The following ZFPM2 variants were observed in gnomAD, a reference collection of about 807,000 sequenced individuals.
ZFPM2 encodes zinc finger protein ZFPM2.
In ZFPM2, 20 loss-of-function variants were observed where a neutral mutation model predicts 98.6. The observed-to-expected ratio is 0.20, with a 90% CI of 0.14 to 0.29. The LOEUF is 0.29. Ranked by LOEUF, ZFPM2 falls within the 10% of genes least tolerant of loss-of-function variation. The pLI, the probability that ZFPM2 is intolerant of heterozygous loss-of-function variation, is 1.00. For synonymous variants in ZFPM2, 518 were observed against 502.7 expected, an observed-to-expected ratio of 1.03 and a Z score of -0.41; for missense variants, 1,310 against 1,388.6, an observed-to-expected ratio of 0.94 and a Z score of 0.90.
chr8:105,410,161 A>C (rs1341219484), intron 1 of ZFPM2, among the ~76,000 whole-genome samples: 1 of 151,904 alleles, frequency 6.6e-6, no homozygotes, highest in Non-Finnish European at 1.5e-5. Flanking sequence ...AAAAGTTTAC[A>C]TATGCAATGA....
At chr8:105,761,349 T>A (rs1465469014) in intron 5 of ZFPM2, among the ~76,000 whole-genome samples, 1 of 151,994 alleles carries the variant, frequency 6.6e-6, no homozygotes, top group Non-Finnish European at 1.5e-5. Context: ...TGAATACAGG[T>A]TGAGTAACTA....
At chr8:105,336,863 C>T (rs534934946) in intron 1 of ZFPM2, among the ~76,000 whole-genome samples, 6 of 151,624 alleles carry the variant, frequency 4.0e-5, no homozygotes, top group African/African-American at 1.2e-4. Context: ...CAGATCACTT[C>T]GTCTCATTTT....
At chr8:105,369,855 A>G (rs1304682468) in intron 1 of ZFPM2, among the ~76,000 whole-genome samples, 1 of 152,114 alleles carries the variant, frequency 6.6e-6, no homozygotes, top group Non-Finnish European at 1.5e-5. Flanking sequence ...AGAGCTTATA[A>G]TGTTAGAAAA....
chr8:105,338,719 G>A (rs1034415284), intron 1 of ZFPM2, among the ~76,000 whole-genome samples: 1 of 151,798 alleles, frequency 6.6e-6, no homozygotes, highest in Non-Finnish European at 1.5e-5. Flanking sequence ...TCAATTCCTT[G>A]AAGTTTTATC....
At chr8:105,481,407 G>C (rs1813114972) in intron 3 of ZFPM2, among the ~76,000 whole-genome samples, 1 of 152,074 alleles carries the variant, frequency 6.6e-6, no homozygotes, top group South Asian at 2.1e-4. Flanking sequence ...CTTGCAGATG[G>C]CCACCTTCTA....
intron 5 of ZFPM2, among the ~76,000 whole-genome samples, chr8:105,694,742 A>G (rs191075684): frequency 2.4e-4 from 37 of 152,274 alleles, no homozygotes; most frequent in East Asian, 1.7e-3. Flanking sequence ...ATACGATTCA[A>G]TTTTCATTGA....
intron 5 of ZFPM2, among the ~76,000 whole-genome samples, chr8:105,673,133 G>T (rs1454028995): frequency 7.0e-6 from 1 of 142,694 alleles, no homozygotes; most frequent in African/African-American, 2.6e-5. Flanking sequence ...TGCCAGGGAA[G>T]AACTTAAATA....
chr8:105,690,839 A>G (rs1018495995), intron 5 of ZFPM2: 1 of 152,210 alleles, frequency 6.6e-6, no homozygotes, highest in Admixed American at 6.5e-5. Flanking sequence ...TACCAAAAGC[A>G]CTATTACCTA....
intron 1 of ZFPM2, among the ~76,000 whole-genome samples, chr8:105,380,633 ATT>A (rs1491536540): frequency 4.7e-4 from 10 of 21,152 alleles, no homozygotes; most frequent in African/African-American, 1.3e-3. Context: ...TAACATATAT[ATT>A]ATATATATAT....
intron 5 of ZFPM2, among the ~76,000 whole-genome samples, chr8:105,712,544 T>G (rs1174456382): frequency 4.0e-5 from 6 of 151,790 alleles, no homozygotes; most frequent in Non-Finnish European, 8.8e-5. Context: ...CTACAAGCCA[T>G]TTTTTTTGTG....
At chr8:105,453,177 T>C (rs1041869503) in intron 3 of ZFPM2, among the ~76,000 whole-genome samples, 7 of 152,202 alleles carry the variant, frequency 4.6e-5, no homozygotes, top group African/African-American at 1.7e-4. Flanking sequence ...CAACTACATA[T>C]TTAGTATTAA....
intron 5 of ZFPM2, among the ~76,000 whole-genome samples, chr8:105,692,198 G>C (rs892336065): frequency 1.3e-5 from 2 of 152,114 alleles, no homozygotes; most frequent in Admixed American, 1.3e-4. Flanking sequence ...TGTTTAATTT[G>C]TATACTGCTA....
chr8:105,640,763 G>A (rs1258595946), intron 5 of ZFPM2, among the ~76,000 whole-genome samples: 3 of 151,978 alleles, frequency 2.0e-5, no homozygotes, highest in African/African-American at 4.8e-5. Context: ...TTTGTCTAAT[G>A]TGGCAGCCAA....
chr8:105,684,409 G>T (rs543776233), intron 5 of ZFPM2, among the ~76,000 whole-genome samples: 3 of 151,940 alleles, frequency 2.0e-5, no homozygotes, highest in Non-Finnish European at 4.4e-5. Context: ...GCTTCTATTG[G>T]GTGGGATATT....
At chr8:105,730,694 A>G (rs1811910711) in intron 5 of ZFPM2, among the ~76,000 whole-genome samples, 1 of 151,412 alleles carries the variant, frequency 6.6e-6, no homozygotes, top group East Asian at 2.0e-4. Flanking sequence ...CACACAGTAT[A>G]TTAAAGGCCT....
intron 5 of ZFPM2, among the ~76,000 whole-genome samples, chr8:105,677,926 G>A (rs868228778): frequency 3.9e-5 from 6 of 152,226 alleles, no homozygotes; most frequent in Admixed American, 1.3e-4. Context: ...AATATCCTAT[G>A]CAAATAGCCA....
At chr8:105,764,622 T>A (rs1362438370) in intron 5 of ZFPM2, among the ~76,000 whole-genome samples, 1 of 151,834 alleles carries the variant, frequency 6.6e-6, no homozygotes, top group Non-Finnish European at 1.5e-5. Flanking sequence ...ACTGTTTCAT[T>A]CTTAGACCTT....
chr8:105,544,548 T>G (rs1211978663), intron 3 of ZFPM2, among the ~76,000 whole-genome samples: 1 of 152,206 alleles, frequency 6.6e-6, no homozygotes, highest in Non-Finnish European at 1.5e-5. Flanking sequence ...TGATAATAAT[T>G]TCATGCAACA....
At chr8:105,490,349 T>G (rs1295520556) in intron 3 of ZFPM2, among the ~76,000 whole-genome samples, 1 of 152,240 alleles carries the variant, frequency 6.6e-6, no homozygotes, top group Non-Finnish European at 1.5e-5. Flanking sequence ...TTATCTTTTA[T>G]AAACTACTTT....
Sources: gnomAD v4.1 joint callset for allele counts (sites outside exome capture counted in the v4.1 genomes callset) on GRCh38, gnomAD v4.1.1 for gene constraint, MANE v1.5 for transcripts, NCBI Gene and HGNC (gene_info 2026-07-23, HGNC 2026-07-21) for gene names.